Variants in CSMD2 observed in about 807,000 individuals in gnomAD.
CSMD2 encodes the protein CUB and Sushi multiple domains 2.
CSMD2 carries 130 observed loss-of-function variants against 398.5 expected under a neutral mutation model. That is an observed-to-expected ratio of 0.33 (90% confidence interval 0.28 to 0.38). The LOEUF is 0.38. Ranked by LOEUF, CSMD2 falls within the 10% of genes least tolerant of loss-of-function variation. The probability of loss-of-function intolerance (pLI) is 1.00; values close to 1 mark genes in which losing one functional copy is unlikely to be tolerated. For synonymous variants in CSMD2, 1,828 were observed against 1,908.5 expected (o/e 0.96, Z 1.10); for missense variants, 3,829 against 4,764.9 (o/e 0.80, Z 5.78).
Position 34,044,330 on chromosome 1 carries a change from G to T in CSMD2, c.405-11624C>A, listed in dbSNP as rs978848217. 3.3e-5 allele frequency among the ~76,000 whole-genome samples: 5 copies of T among 152,184 alleles called. No individual in the cohort carries two copies. The East Asian group carries it at 7.7e-4, about 23-fold the overall frequency. ...AATTAAAAAATAAAATGCGTAGGAG[G>T]ACTTTTAACAAGCTAAGTCAATGTA... On this transcript the variant is annotated intron_variant, in intron 2 of 70. Coordinates refer to ENST00000373381, the MANE Select transcript of CSMD2 (RefSeq NM_001281956.2).
chr1:34,081,453 A>C (rs1208194584), intron 2 of CSMD2, among the ~76,000 whole-genome samples: 1 of 118,170 alleles, frequency 8.5e-6, no homozygotes, highest in Non-Finnish European at 1.7e-5. Flanking sequence ...CCCGCTTTCC[A>C]TGGTCTCTCT....
intron 33 of CSMD2, among the ~76,000 whole-genome samples, chr1:33,626,120 C>A (rs1046104104): frequency 1.3e-5 from 2 of 152,154 alleles, no homozygotes; most frequent in Non-Finnish European, 2.9e-5. Context: ...TTTCCCCGCA[C>A]CTTTACTGTG....
chr1:34,127,184 C>A (rs1032549055), intron 1 of CSMD2, among the ~76,000 whole-genome samples: 2 of 152,154 alleles, frequency 1.3e-5, no homozygotes, highest in Non-Finnish European at 2.9e-5. Flanking sequence ...CCGTCAGCGG[C>A]ATCCGACCCC....
chr1:33,582,060 TCCTGGAGCGGGTGAGCA>T (rs980148016), intron 47 of CSMD2, among the ~76,000 whole-genome samples: 1 of 152,100 alleles, frequency 6.6e-6, no homozygotes, highest in African/African-American at 2.4e-5. Flanking sequence ...GCTCCAGCCT[TCCTGGAGCGGGTGAGCA>T]CCAGCATTGC....
chr1:33,833,106 A>T, intron 6 of CSMD2, among the ~76,000 whole-genome samples: 1 of 140,282 alleles, frequency 7.1e-6, no homozygotes, highest in Non-Finnish European at 1.5e-5. Context: ...TTCTGAAACT[A>T]TTCCAATCAA....
intron 55 of CSMD2, among the ~76,000 whole-genome samples, chr1:33,552,561 T>G (rs116622955): frequency 0.011 from 1,744 of 152,302 alleles, 43 homozygotes; most frequent in African/African-American, 0.04. Context: ...GTCGAATGCA[T>G]AAACAAGATG....
chr1:33,905,848 G>A (rs1003484654), intron 5 of CSMD2, among the ~76,000 whole-genome samples: 1 of 152,168 alleles, frequency 6.6e-6, no homozygotes, highest in Non-Finnish European at 1.5e-5. Context: ...CAGAGAACTC[G>A]GCTCACCAAG....
At chr1:33,597,194 G>T (rs542661342) in intron 44 of CSMD2, among the ~76,000 whole-genome samples, 1 of 151,870 alleles carries the variant, frequency 6.6e-6, no homozygotes, top group Non-Finnish European at 1.5e-5. Context: ...AGTTCCTTAG[G>T]GCTGCTTGCC....
At position 33,782,423 on chromosome 1, in the gene CSMD2, G is replaced by C. The variant is rs142904185; in HGVS notation, c.1663+6177C>G. Among the ~76,000 whole-genome samples, 48 of 152,266 alleles carry C rather than the reference G, an allele frequency of 3.2e-4. No individual in the cohort carries two copies. In the East Asian group the frequency reaches 9.1e-3, roughly 29 times the overall value. On this transcript the variant is annotated intron_variant, in intron 12 of 70. Coordinates refer to ENST00000373381, the MANE Select transcript of CSMD2 (RefSeq NM_001281956.2). Reference sequence around the variant, plus strand: ...GCTTGACTATACTGAGTCCTCATGAGACCCTGGAAAGATAACCATTCATCA... The same window carrying C: ...GCTTGACTATACTGAGTCCTCATGACACCCTGGAAAGATAACCATTCATCA...
intron 12 of CSMD2, among the ~76,000 whole-genome samples, chr1:33,784,713 C>G (rs959518756): frequency 6.6e-6 from 1 of 152,148 alleles, no homozygotes; most frequent in African/African-American, 2.4e-5. Context: ...GATCCAGGTG[C>G]CTGGCCTGGA....
At chr1:33,804,400 C>G (rs1655978243) in intron 10 of CSMD2, among the ~76,000 whole-genome samples, 1 of 152,184 alleles carries the variant, frequency 6.6e-6, no homozygotes, top group Non-Finnish European at 1.5e-5. Context: ...TTTGTCCTCC[C>G]TGAGATACTG....
intron 3 of CSMD2, among the ~76,000 whole-genome samples, chr1:34,014,674 C>T (rs1647832467): frequency 1.3e-5 from 2 of 152,230 alleles, no homozygotes; most frequent in Admixed American, 6.5e-5. Context: ...CTCCACTAGA[C>T]CATGATTGCC....
At chr1:33,900,853 A>T (rs188132609) in intron 5 of CSMD2, among the ~76,000 whole-genome samples, 1 of 152,364 alleles carries the variant, frequency 6.6e-6, no homozygotes, top group East Asian at 1.9e-4. Flanking sequence ...AGTGCCTGAA[A>T]CATGGTAGCT....
intron 15 of CSMD2, among the ~76,000 whole-genome samples, chr1:33,729,550 T>C (rs1053113391): frequency 1.5e-4 from 22 of 151,422 alleles, no homozygotes; most frequent in African/African-American, 4.9e-4. Context: ...TACATATGTA[T>C]ACATGTGCCA....
intron 1 of CSMD2, among the ~76,000 whole-genome samples, chr1:34,161,113 G>A (rs892676075): frequency 6.6e-6 from 1 of 152,148 alleles, no homozygotes; most frequent in Admixed American, 6.5e-5. Flanking sequence ...AAGGAGTTGA[G>A]GATAATCCAA....
In CSMD2 at chr1:33,747,510, C is replaced by A. The variant is rs529007907; in HGVS notation, c.1847-3904G>T. Among the ~76,000 whole-genome samples the A allele has an allele frequency of 1.1e-3, 168 of 152,156 alleles. 1 individual carries two copies. The highest frequency in any genetic ancestry group is 3.7e-3 in the African/African-American group (152 of 41,518). On this transcript the variant is annotated intron_variant, in intron 13 of 70. Coordinates refer to ENST00000373381, the MANE Select transcript of CSMD2 (RefSeq NM_001281956.2). ...AGTAATAGAATATGAAATAGCTTGTCTTCAAAATTACCAAAGGGGAAAAAG... is the reference window on the plus strand; with the variant it reads ...AGTAATAGAATATGAAATAGCTTGTATTCAAAATTACCAAAGGGGAAAAAG...
chr1:33,869,705 C>A (rs1291589101), intron 5 of CSMD2, among the ~76,000 whole-genome samples: 1 of 152,216 alleles, frequency 6.6e-6, no homozygotes, highest in Non-Finnish European at 1.5e-5. Context: ...GCCCCTCATT[C>A]ACTCTGCGTA....
At chr1:33,828,417 C>A (rs1038944787) in intron 6 of CSMD2, among the ~76,000 whole-genome samples, 1 of 152,140 alleles carries the variant, frequency 6.6e-6, no homozygotes, top group African/African-American at 2.4e-5. Context: ...TCTCTATGAC[C>A]CGGTGCAGCC....
chr1:34,028,471 C>A (rs958275632), intron 3 of CSMD2, among the ~76,000 whole-genome samples: 7 of 152,170 alleles, frequency 4.6e-5, no homozygotes, highest in Admixed American at 4.6e-4. Flanking sequence ...AGGAACACAT[C>A]TCTTGTTGCC....
Sources: gnomAD v4.1 joint callset for allele counts (sites outside exome capture counted in the v4.1 genomes callset) on GRCh38, gnomAD v4.1.1 for gene constraint, MANE v1.5 for transcripts, NCBI Gene and HGNC (gene_info 2026-07-23, HGNC 2026-07-21) for gene names.